OR9Q1: variants seen among roughly 807,000 people sequenced by gnomAD.
The protein encoded by OR9Q1 is olfactory receptor family 9 subfamily Q member 1.
For missense variants in OR9Q1, 374 were observed against 378.8 expected, an observed-to-expected ratio of 0.99 and a Z score of 0.11; for synonymous variants, 153 against 148.6, an observed-to-expected ratio of 1.03 and a Z score of -0.22.
At chr11:58,141,979 G>A (rs368495328) in intron 2 of OR9Q1, among the ~76,000 whole-genome samples, 1 of 152,180 alleles carries the variant, frequency 6.6e-6, no homozygotes, top group African/African-American at 2.4e-5. Context: ...TGTAATCAGA[G>A]AAGGGTGGTC....
intron 2 of OR9Q1, among the ~76,000 whole-genome samples, chr11:58,128,866 A>G (rs1394374392): frequency 1.3e-5 from 2 of 152,218 alleles, no homozygotes; most frequent in African/African-American, 4.8e-5. Flanking sequence ...TTCATATGTC[A>G]AAACATCACA....
chr11:58,095,169 A>T (rs1208510042), intron 2 of OR9Q1, among the ~76,000 whole-genome samples: 3 of 152,234 alleles, frequency 2.0e-5, no homozygotes, highest in Non-Finnish European at 4.4e-5. Context: ...TTTCTACAGC[A>T]GGGCTTTTTA....
chr11:58,179,337 T>A (rs1226933270), intron 2 of OR9Q1, 94 bp from the exon 3 acceptor site: 4 of 787,416 alleles, frequency 5.1e-6, no homozygotes, highest in Non-Finnish European at 8.2e-6. Context: ...CTGGCATATT[T>A]TGTCCACAGT....
intron 2 of OR9Q1, among the ~76,000 whole-genome samples, chr11:58,107,422 A>C (rs1009829874): frequency 2.6e-5 from 4 of 152,034 alleles, no homozygotes; most frequent in Admixed American, 6.6e-5. Context: ...TCATCCATGT[A>C]CCTACAAAGG....
intron 2 of OR9Q1, among the ~76,000 whole-genome samples, chr11:58,101,107 C>G (rs1490745121): frequency 6.6e-6 from 1 of 151,596 alleles, no homozygotes; most frequent in Non-Finnish European, 1.5e-5. Context: ...TTTGATAACA[C>G]AATAGAATGA....
rs1007688531 is a variant in OR9Q1, at chr11:58,180,480, A to G, written c.*103A>G. On this transcript the variant is annotated 3_prime_UTR_variant, in exon 3 of 3. Coordinates refer to ENST00000335397, the MANE Select transcript of OR9Q1 (RefSeq NM_001005212.4). ...TGCTCAATGTTTAAATGAATATATTATGGTACTAGGTATAAAAAAGAACCA... is the reference window on the plus strand; with the variant it reads ...TGCTCAATGTTTAAATGAATATATTGTGGTACTAGGTATAAAAAAGAACCA... The G allele has an allele frequency of 2.9e-6, 2 of 698,996 alleles. No individual in the cohort carries two copies. The highest frequency in any genetic ancestry group is 3.0e-5 in the Admixed American group (1 of 33,208). 43.3% of individuals were successfully genotyped at this position (698,996 alleles called of 1,614,324 possible).
chr11:58,140,564 T>G (rs1481384626), intron 2 of OR9Q1, among the ~76,000 whole-genome samples: 1 of 152,212 alleles, frequency 6.6e-6, no homozygotes, highest in Non-Finnish European at 1.5e-5. Flanking sequence ...CATTGCTTGT[T>G]TTTGTCAGGT....
At chr11:58,085,282 A>G (rs1853623614) in intron 2 of OR9Q1, among the ~76,000 whole-genome samples, 1 of 151,902 alleles carries the variant, frequency 6.6e-6, no homozygotes, top group African/African-American at 2.4e-5. Context: ...TATTTAATGT[A>G]TTTGATGAGT....
chr11:58,089,500 C>T (rs929325133), intron 2 of OR9Q1, among the ~76,000 whole-genome samples: 7 of 151,710 alleles, frequency 4.6e-5, no homozygotes, highest in Non-Finnish European at 7.4e-5. Context: ...CTGTTCTGTT[C>T]CATTGGTCTA....
chr11:58,027,229 A>G (rs930067608), intron 1 of OR9Q1, among the ~76,000 whole-genome samples: 6 of 152,206 alleles, frequency 3.9e-5, no homozygotes, highest in African/African-American at 1.4e-4. Context: ...CTGCAGAACA[A>G]GAGACAACAG....
intron 1 of OR9Q1, among the ~76,000 whole-genome samples, chr11:58,034,792 C>CCCTCCCTTCCTTCCTT (rs71454310): frequency 5.2e-5 from 5 of 96,050 alleles, no homozygotes; most frequent in African/African-American, 1.8e-4. Context: ...CCTCCTTTCT[C>CCCTCCCTTCCTTCCTT]CCTTCCTTCC....
chr11:58,048,817 C>T (rs1853248307), intron 1 of OR9Q1, among the ~76,000 whole-genome samples: 2 of 121,296 alleles, frequency 1.6e-5, no homozygotes, highest in Admixed American at 1.9e-4. Context: ...ACTACAAACA[C>T]CTCTACGCAA....
chr11:58,122,438 C>T (rs548781890), intron 2 of OR9Q1, among the ~76,000 whole-genome samples: 6 of 152,294 alleles, frequency 3.9e-5, no homozygotes, highest in Admixed American at 1.3e-4. Flanking sequence ...ACATGGACTT[C>T]GCTTTCTATT....
At chr11:58,129,525 ACC>A (rs1854120801) in intron 2 of OR9Q1, among the ~76,000 whole-genome samples, 2 of 147,636 alleles carry the variant, frequency 1.4e-5, no homozygotes, top group Admixed American at 7.0e-5. Flanking sequence ...TCTGTGATCT[ACC>A]CCCAACCTCC....
intron 2 of OR9Q1, among the ~76,000 whole-genome samples, chr11:58,114,125 C>T (rs1313659235): frequency 6.6e-6 from 1 of 152,172 alleles, no homozygotes; most frequent in Non-Finnish European, 1.5e-5. Flanking sequence ...GCAGGGCCAA[C>T]AGTACGCCTA....
chr11:58,179,229 T>A (rs1854636057), intron 2 of OR9Q1, among the ~76,000 whole-genome samples: 1 of 152,052 alleles, frequency 6.6e-6, no homozygotes, highest in Admixed American at 6.6e-5. Context: ...TTTCACCATG[T>A]TGGCCAGGCT....
chr11:58,138,733 A>G (rs1022270462), intron 2 of OR9Q1, among the ~76,000 whole-genome samples: 6 of 152,242 alleles, frequency 3.9e-5, no homozygotes, highest in African/African-American at 1.4e-4. Flanking sequence ...ATGATTGAAC[A>G]AGCTAATTAA....
Position 58,180,211 on chromosome 11 carries a change from T to C in OR9Q1, c.767T>C (p.Phe256Ser), listed in dbSNP as rs1854650243. 1.9e-6 allele frequency: 3 copies of C among 1,613,994 alleles called. No individual in the cohort carries two copies. Among genetic ancestry groups the C allele is most frequent in the Middle Eastern group, 1.6e-4 (1 of 6,082 alleles). Reference sequence around the variant, plus strand: ...TCACTCTTCTTTGGTACCCTCATCTTCATGTACTTGAGAGGTAACTCAGAT... The same window carrying C: ...TCACTCTTCTTTGGTACCCTCATCTCCATGTACTTGAGAGGTAACTCAGAT... ...AVSLFFGTLI[F>S]MYLRGNSDQS... Residue 256 changes from phenylalanine to serine, a missense_variant, in exon 3 of 3, where the codon TTC becomes TCC. Phe to Ser is a radical substitution (Grantham distance 155, BLOSUM62 -2). Transcript: ENST00000335397.
intron 2 of OR9Q1, among the ~76,000 whole-genome samples, chr11:58,107,220 G>A (rs75226859): frequency 1.3e-5 from 2 of 151,856 alleles, no homozygotes; most frequent in African/African-American, 4.8e-5. Context: ...CCATTAACTC[G>A]TCATTTACAT....
Sources: allele counts gnomAD v4.1 joint callset (sites outside exome capture counted in the v4.1 genomes callset), GRCh38; gene constraint gnomAD v4.1.1; transcripts MANE v1.5; gene names NCBI Gene and HGNC (gene_info 2026-07-23, HGNC 2026-07-21).